SPOPL: variants seen among roughly 807,000 people sequenced by gnomAD.
SPOPL encodes speckle-type POZ protein-like.
In SPOPL, 23 loss-of-function variants were observed where a neutral mutation model predicts 53.8. The ratio of observed to expected loss-of-function variants is 0.43; its 90% CI spans 0.31 to 0.61. SPOPL has a LOEUF of 0.61. SPOPL is among the 20% of genes least tolerant of loss of function. The pLI is 0.12. For synonymous variants in SPOPL, 164 were observed against 149.7 expected, an observed-to-expected ratio of 1.10 and a Z score of -0.70; for missense variants, 442 against 466.9, an observed-to-expected ratio of 0.95 and a Z score of 0.49.
At chr2:138,548,637 AT>A (rs757329234) in intron 1 of SPOPL, among the ~76,000 whole-genome samples, 43 of 151,986 alleles carry the variant, frequency 2.8e-4, no homozygotes, top group Non-Finnish European at 5.3e-4. Flanking sequence ...CCTGTGAGTT[AT>A]TTGCTTATTT....
At chr2:138,547,185 T>C (rs1013256922) in intron 1 of SPOPL, among the ~76,000 whole-genome samples, 1 of 152,066 alleles carries the variant, frequency 6.6e-6, no homozygotes, top group African/African-American at 2.4e-5. Context: ...AGACTGGTCT[T>C]GAACTCCTGG....
At chr2:138,568,466 C>T (rs1305750275) in intron 10 of SPOPL, among the ~76,000 whole-genome samples, 1 of 152,074 alleles carries the variant, frequency 6.6e-6, no homozygotes, top group Non-Finnish European at 1.5e-5. Flanking sequence ...TGCGAATGAA[C>T]CTTGTGTGGA....
At position 138,561,251 on chromosome 2, in the gene SPOPL, T is replaced by C. The variant is rs191494086; in HGVS notation, c.837+324T>C. Among the ~76,000 whole-genome samples the C allele has an allele frequency of 7.9e-5, 12 of 152,268 alleles. No individual in the cohort carries two copies. The East Asian group carries it at 1.5e-3, about 20-fold the overall frequency. ...TTCAGATATTTTTAGTCTTGAGATA[T>C]AGTGCATGACCTTTTTTAAAAAAAG... is the stretch of plus-strand genomic sequence containing the variant. On this transcript the variant is annotated intron_variant, in intron 8 of 10. Coordinates refer to ENST00000280098, the MANE Select transcript of SPOPL (RefSeq NM_001001664.3).
chr2:138,523,018 G>A (rs1012134976), intron 1 of SPOPL, among the ~76,000 whole-genome samples: 4 of 152,126 alleles, frequency 2.6e-5, no homozygotes, highest in African/African-American at 7.2e-5. Context: ...TAATACCACA[G>A]CCATGCACAT....
rs757881657 is a variant in SPOPL at position 138,559,094 on chromosome 2, C to T, written c.553C>T (p.Arg185Cys). ...NTNTLKVPEC[R>C]LAEDLGNLWE... ...AAATACTTTGAAGGTGCCTGAGTGT[C>T]GTCTAGCAGAAGATTTAGGTAATCT... Residue 185 changes from arginine to cysteine, a missense_variant, in exon 6 of 11, where the codon CGT (arginine) becomes TGT (cysteine). By Grantham distance (180) the Arg-to-Cys change is radical (BLOSUM62 -3). Transcript: ENST00000280098. 3.1e-6 allele frequency: 5 copies of T among 1,613,446 alleles called. No individual in the cohort carries two copies. Among genetic ancestry groups the T allele is most frequent in the African/African-American group, 1.3e-5 (1 of 75,000 alleles).
At position 138,560,930 on chromosome 2, in the gene SPOPL, A is replaced by C; in HGVS notation, c.837+3A>C. 1.2e-6 allele frequency: 2 copies of C among 1,608,296 alleles called. No individual in the cohort carries two copies. The highest frequency in any genetic ancestry group is 1.7e-6 in the Non-Finnish European group (2 of 1,178,624). The stretch of plus-strand genomic sequence containing the variant: ...ACTTGTTGGCAGCTGCAGACAAAGT[A>C]AGTAATTAGGTCTTAAGGAACCAAA... On this transcript the variant is annotated splice_donor_region_variant and intron_variant, in intron 8 of 10. Transcript: ENST00000280098.
At chr2:138,502,194 G>A (rs1203203530) in intron 1 of SPOPL, 75 bp downstream of exon 1, 1 of 152,284 alleles carries the variant, frequency 6.6e-6, no homozygotes, top group Non-Finnish European at 1.5e-5. Flanking sequence ...GCTCTCCGTA[G>A]ACCGGCGGCC....
intron 1 of SPOPL, among the ~76,000 whole-genome samples, chr2:138,539,865 G>A (rs563177008): frequency 6.6e-6 from 1 of 152,264 alleles, no homozygotes; most frequent in South Asian, 2.1e-4. Flanking sequence ...TTTTCTTCTA[G>A]GGTTTTTATG....
At position 138,564,815 on chromosome 2, in the gene SPOPL, A is replaced by G. The variant is rs1685625300; in HGVS notation, c.945A>G (p.Glu315=). Residue 315 remains glutamate (E), a synonymous_variant, in exon 9 of 11, where the codon GAA becomes GAG. Transcript: ENST00000280098. ...TLVLADLHSA[E]QLKAQAIDFI... ...TCCTTGCAGATTTGCACAGTGCAGA[A>G]CAGTTGAAAGCACAAGCCATAGACT... 1 of 1,614,216 alleles carries G rather than the reference A, an allele frequency of 6.2e-7. No homozygotes were observed. Among genetic ancestry groups the G allele is most frequent in the African/African-American group, 1.3e-5 (1 of 75,074 alleles).
At position 138,550,621 on chromosome 2, in the gene SPOPL, C is replaced by A. The variant is rs115949311; in HGVS notation, c.200+17C>A. 50,869 of 1,579,840 alleles carry A rather than the reference C, an allele frequency of 0.032. 1,005 individuals are homozygous for A. The highest frequency in any genetic ancestry group is 0.05 in the South Asian group (4,385 of 87,726). On this transcript the variant is annotated intron_variant, in intron 3 of 10. Coordinates refer to ENST00000280098, the MANE Select transcript of SPOPL (RefSeq NM_001001664.3). The stretch of plus-strand genomic sequence containing the variant: ...AATGAAATGGTAAGATTTTTGTTTG[C>A]TTTGAATTTTTGTTTTTTGTTTTTG...
At position 138,529,293 on chromosome 2, in the gene SPOPL, T is replaced by G. The variant is rs554650760; in HGVS notation, c.-60-20864T>G. On this transcript the variant is annotated intron_variant, in intron 1 of 10. Coordinates refer to ENST00000280098, the MANE Select transcript of SPOPL (RefSeq NM_001001664.3). ...TGGAATAGTAGAGCTCTTTGCATAA[T>G]TGGGCTCATAGGAAGCCAATAAGTA... Among the ~76,000 whole-genome samples the G allele has an allele frequency of 3.3e-4, 51 of 152,304 alleles. 1 individual carries two copies. In the South Asian group the frequency reaches 0.01, roughly 30 times the overall value.
At chr2:138,567,068 A>G (rs1347298003) in intron 10 of SPOPL, among the ~76,000 whole-genome samples, 1 of 152,232 alleles carries the variant, frequency 6.6e-6, no homozygotes, top group Admixed American at 6.5e-5. Context: ...CCCAAGTCAC[A>G]GTGCACAGTA....
rs1376235558 is a variant in SPOPL, at chr2:138,540,021, G to C, written c.-60-10136G>C. The stretch of plus-strand genomic sequence containing the variant: ...ATAGGGAATCCTGTCCCCATTTCTT[G>C]TTTTTGTCAGATTTGTCAAAGATCA... On this transcript the variant is annotated intron_variant, in intron 1 of 10. Transcript: ENST00000280098. 5.3e-5 allele frequency among the ~76,000 whole-genome samples: 8 copies of C among 152,144 alleles called. 1 individual carries two copies. Among genetic ancestry groups the C allele is most frequent in the Non-Finnish European group, 1.2e-4 (8 of 68,008 alleles).
intron 1 of SPOPL, among the ~76,000 whole-genome samples, chr2:138,544,139 C>T (rs1245674580): frequency 1.3e-5 from 2 of 152,172 alleles, no homozygotes; most frequent in Non-Finnish European, 2.9e-5. Flanking sequence ...GTCAGTCTGC[C>T]CCTACTGGGG....
At position 138,559,058 on chromosome 2, in the gene SPOPL, C is replaced by T. The variant is rs969830690; in HGVS notation, c.517C>T (p.His173Tyr). The T allele has an allele frequency of 6.2e-7, 1 of 1,612,518 alleles. No individual in the cohort carries two copies. Among genetic ancestry groups the T allele is most frequent in the East Asian group, 2.2e-5 (1 of 44,796 alleles). The change falls in exon 6 of 11, where the codon CAT becomes TAT. Residue 173 changes from histidine to tyrosine, a missense_variant. Coordinates refer to ENST00000280098, the MANE Select transcript of SPOPL (RefSeq NM_001001664.3). ...VVQDSVNISGHTNTNTLKVPE... is the reference protein window; with the variant it reads ...VVQDSVNISGYTNTNTLKVPE... ...CCAAGATTCAGTAAACATATCAGGA[C>T]ATACTAATACAAATACTTTGAAGGT...
At position 138,513,280 on chromosome 2, in the gene SPOPL, A is replaced by G. The variant is rs375730168; in HGVS notation, c.-61+11161A>G. ...AAAAAATTTAAAAATTAGGCCGGGC[A>G]TAGTGGCCCACGCCGGTAATCCCAG... On this transcript the variant is annotated intron_variant, in intron 1 of 10. Transcript: ENST00000280098. Among the ~76,000 whole-genome samples, 10 of 152,334 alleles carry G rather than the reference A, an allele frequency of 6.6e-5. No homozygotes were observed. In the East Asian group the frequency reaches 1.5e-3, roughly 24 times the overall value.
At chr2:138,507,051 G>A (rs1479227176) in intron 1 of SPOPL, among the ~76,000 whole-genome samples, 3 of 152,156 alleles carry the variant, frequency 2.0e-5, no homozygotes, top group Admixed American at 1.3e-4. Flanking sequence ...TGAATATTTT[G>A]AATGCAACTG....
chr2:138,550,413 G>A (rs1685288588), intron 2 of SPOPL, 70 bp from the exon 3 acceptor site: 1 of 1,584,258 alleles, frequency 6.3e-7, no homozygotes. Flanking sequence ...TGGATCGTAG[G>A]ATGTTGAACA....
chr2:138,538,550 T>A (rs1444767708), intron 1 of SPOPL, among the ~76,000 whole-genome samples: 2 of 152,182 alleles, frequency 1.3e-5, no homozygotes. Context: ...CCTTTTTTCA[T>A]CCTTTCACTT....
Sources: allele counts gnomAD v4.1 joint callset (sites outside exome capture counted in the v4.1 genomes callset), GRCh38; gene constraint gnomAD v4.1.1; transcripts MANE v1.5; gene names NCBI Gene and HGNC (gene_info 2026-07-23, HGNC 2026-07-21).